FRMPD4: variants seen among roughly 807,000 people sequenced by gnomAD.
The protein encoded by FRMPD4 is FERM and PDZ domain containing 4.
Under a neutral mutation model 94.1 loss-of-function variants are expected in FRMPD4, and 22 were observed. The ratio of observed to expected loss-of-function variants is 0.23; its 90% CI spans 0.17 to 0.33. The LOEUF is 0.33. FRMPD4 is among the 10% of genes least tolerant of loss of function. FRMPD4 has a pLI of 1.00. For missense variants in FRMPD4, 1,111 were observed against 1,339.9 expected (o/e 0.83, Z 2.67); for synonymous variants, 631 against 548.6 (o/e 1.15, Z -2.10).
chrX:12,424,398 A>G (rs2056922575), intron 1 of FRMPD4, among the ~76,000 whole-genome samples: 1 of 112,848 alleles, frequency 8.9e-6, no homozygotes, highest in Admixed American at 9.3e-5. Flanking sequence ...GACTTTTTTC[A>G]TATTTCTCAA....
chrX:12,310,139 TA>T (rs1025388824), intron 1 of FRMPD4, among the ~76,000 whole-genome samples: 2 of 109,607 alleles, frequency 1.8e-5, no homozygotes, highest in African/African-American at 6.7e-5. Context: ...CGAAGGGAGA[TA>T]GGGGTGGAGC....
chrX:11,958,211 A>G (rs2054266692), intron 3 of FRMPD4, among the ~76,000 whole-genome samples: 1 of 111,798 alleles, frequency 8.9e-6, no homozygotes, highest in Admixed American at 9.5e-5. Context: ...CTGTGGATAT[A>G]CTCTGGATAA....
intron 1 of FRMPD4, among the ~76,000 whole-genome samples, chrX:12,382,537 GCATAGCAT>G (rs1569254221): frequency 9.5e-6 from 1 of 105,105 alleles, no homozygotes; most frequent in Non-Finnish European, 2.0e-5. Flanking sequence ...ATAGAGCATA[GCATAGCAT>G]AGCATAGCAT....
chrX:12,204,519 G>A (rs2056668342), intron 1 of FRMPD4, among the ~76,000 whole-genome samples: 1 of 111,237 alleles, frequency 9.0e-6, no homozygotes, highest in Non-Finnish European at 1.9e-5. Context: ...CCAAGGTGCG[G>A]GCGCTGCATG....
rs187611458 is a variant in FRMPD4 at position 12,654,259 on chromosome X, G to T, written c.423-20604G>T. On this transcript the variant is annotated intron_variant, in intron 4 of 16. Transcript: ENST00000675598. The stretch of plus-strand genomic sequence containing the variant: ...GCTTCTGTGAACTTTCAAAGGCCTT[G>T]TTGGTAACAGCAACCTCTTCGGCCT... Among the ~76,000 whole-genome samples, 13 of 111,805 alleles carry T rather than the reference G, an allele frequency of 1.2e-4. No homozygotes were observed. The East Asian group carries it at 3.7e-3, about 31-fold the overall frequency.
chrX:12,524,144 G>C (rs989082240), intron 2 of FRMPD4, among the ~76,000 whole-genome samples: 1 of 111,394 alleles, frequency 9.0e-6, no homozygotes, highest in Non-Finnish European at 1.9e-5. Context: ...GACAGAGTGA[G>C]ACCCTGTCAC....
At position 12,718,338 on chromosome X, in the gene FRMPD4, C is replaced by T. The variant is rs759126516; in HGVS notation, c.3512C>T (p.Ser1171Leu). 19 of 1,209,856 alleles carry T rather than the reference C, an allele frequency of 1.6e-5. No individual in the cohort carries two copies. Among genetic ancestry groups the T allele is most frequent in the East Asian group, 5.9e-5 (2 of 33,755 alleles). ...KDLDNPEDAD[S>L]STCDHPSKLP... ...TTAGATAACCCAGAGGACGCTGACT[C>T]GTCCACCTGCGACCATCCTTCCAAG... The change falls in exon 16 of 17, where the codon TCG becomes TTG. Residue 1171 changes from serine to leucine, a missense_variant. Ser to Leu is a moderately radical substitution (Grantham distance 145, BLOSUM62 -2). Around this residue, in one of 8 missense-constraint regions of FRMPD4, gnomAD observed 551 missense variants for 591.6 expected, o/e 0.93. Transcript: ENST00000675598.
chrX:12,665,895 T>A (rs1413147252), intron 4 of FRMPD4, among the ~76,000 whole-genome samples: 1 of 111,691 alleles, frequency 9.0e-6, no homozygotes, highest in African/African-American at 3.3e-5. Flanking sequence ...GCTAGCATCA[T>A]AATGACAGGA....
chrX:12,232,154 T>C (rs768171841), intron 1 of FRMPD4, among the ~76,000 whole-genome samples: 1 of 111,761 alleles, frequency 8.9e-6, no homozygotes, highest in East Asian at 2.8e-4. Flanking sequence ...GTAGAAGGTT[T>C]GCCACGTTTT....
intron 1 of FRMPD4, among the ~76,000 whole-genome samples, chrX:12,263,695 G>C (rs2054229768): frequency 9.0e-6 from 1 of 110,997 alleles, no homozygotes; most frequent in African/African-American, 3.3e-5. Context: ...TATATGTTGA[G>C]GGTGCAACCA....
chrX:12,561,942 G>T (rs2058664163), intron 2 of FRMPD4, among the ~76,000 whole-genome samples: 1 of 112,561 alleles, frequency 8.9e-6, no homozygotes, highest in African/African-American at 3.2e-5. Context: ...ATCTCTAATT[G>T]TAGCAGGTGT....
intron 2 of FRMPD4, among the ~76,000 whole-genome samples, chrX:12,601,283 T>C (rs1218516743): frequency 8.9e-6 from 1 of 112,161 alleles, no homozygotes; most frequent in Non-Finnish European, 1.9e-5. Flanking sequence ...AGTATGCGTA[T>C]TTATGAAGGC....
At chrX:12,299,568 CAA>C (rs370259462) in intron 1 of FRMPD4, among the ~76,000 whole-genome samples, 38 of 86,692 alleles carry the variant, frequency 4.4e-4, no homozygotes, top group African/African-American at 8.4e-4. Flanking sequence ...CTAGAAATGA[CAA>C]AAAAAAAAAA....
intron 1 of FRMPD4, among the ~76,000 whole-genome samples, chrX:12,266,061 A>C (rs1273128627): frequency 1.1e-5 from 1 of 91,912 alleles, no homozygotes; most frequent in Admixed American, 1.3e-4. Flanking sequence ...TGAACCCGGG[A>C]GGCGGAGCTT....
At chrX:12,377,120 A>G (rs771083180) in intron 1 of FRMPD4, among the ~76,000 whole-genome samples, 56 of 112,140 alleles carry the variant, frequency 5.0e-4, no homozygotes, top group African/African-American at 1.7e-3. Context: ...GGCCACACTG[A>G]GATTCTGCCC....
At chrX:12,339,369 C>T (rs1402744718) in intron 1 of FRMPD4, among the ~76,000 whole-genome samples, 2 of 111,835 alleles carry the variant, frequency 1.8e-5, no homozygotes. Flanking sequence ...TGCCTTTATG[C>T]CTTGATGTTT....
intron 1 of FRMPD4, among the ~76,000 whole-genome samples, chrX:11,844,293 G>A (rs192544046): frequency 2.5e-4 from 28 of 110,522 alleles, no homozygotes; most frequent in Admixed American, 1.4e-3. Context: ...CATTGCACCC[G>A]GCCTGATAGT....
chrX:12,557,612 T>C (rs2058609732), intron 2 of FRMPD4, among the ~76,000 whole-genome samples: 1 of 112,452 alleles, frequency 8.9e-6, no homozygotes, highest in Non-Finnish European at 1.9e-5. Context: ...TTGGAATATG[T>C]TGAAAATGTA....
In FRMPD4 at chrX:12,582,142, T is replaced by G. The variant is rs767727149; in HGVS notation, c.159-27579T>G. ...ATGCAAGAATTAATGAATTATCTTC[T>G]TACATCTAATTATACAATATGCTAT... is the stretch of plus-strand genomic sequence containing the variant. On this transcript the variant is annotated intron_variant, in intron 2 of 16. Transcript: ENST00000675598. 3.6e-5 allele frequency among the ~76,000 whole-genome samples: 4 copies of G among 112,454 alleles called. No homozygotes were observed. The South Asian group carries it at 1.5e-3, about 42-fold the overall frequency.
Sources: gnomAD v4.1 joint callset for allele counts (sites outside exome capture counted in the v4.1 genomes callset) on GRCh38, gnomAD v4.1.1 for gene constraint, gnomAD v4.1.1 regional missense constraint, MANE v1.5 for transcripts, NCBI Gene and HGNC (gene_info 2026-07-23, HGNC 2026-07-21) for gene names.